Variants in RBFOX1 observed in about 807,000 individuals in gnomAD.
RBFOX1 encodes RNA binding fox-1 homolog 1, also known as RNA binding protein fox-1 homolog 1.
In RBFOX1, 8 loss-of-function variants were observed where a neutral mutation model predicts 57.7. The observed-to-expected ratio is 0.14, with a 90% CI of 0.08 to 0.25. The LOEUF is 0.25. RBFOX1 is among the 10% of genes least tolerant of loss of function. The probability of loss-of-function intolerance (pLI) is 1.00; values close to 1 mark genes in which losing one functional copy is unlikely to be tolerated. For synonymous variants in RBFOX1, 326 were observed against 222.4 expected, an observed-to-expected ratio of 1.47 and a Z score of -4.15; for missense variants, 611 against 548.5, an observed-to-expected ratio of 1.11 and a Z score of -1.14.
chr16:5,391,889 A>G (rs2066419454), intron 1 of RBFOX1, among the ~76,000 whole-genome samples: 2 of 147,648 alleles, frequency 1.4e-5, no homozygotes. Context: ...GTGTGTGTGT[A>G]TACACACACA....
intron 2 of RBFOX1, among the ~76,000 whole-genome samples, chr16:6,627,117 G>GCCT (rs1264870122): frequency 2.0e-5 from 3 of 152,150 alleles, no homozygotes; most frequent in Non-Finnish European, 4.4e-5. Context: ...GTCCTATTGT[G>GCCT]CCTCCCAAAG....
intron 4 of RBFOX1, among the ~76,000 whole-genome samples, chr16:7,092,003 C>T (rs1011368159): frequency 6.6e-6 from 1 of 152,074 alleles, no homozygotes; most frequent in African/African-American, 2.4e-5. Flanking sequence ...TACACGTGCC[C>T]TTTGTAGTAA....
At chr16:7,382,990 T>C (rs962778352) in intron 4 of RBFOX1, among the ~76,000 whole-genome samples, 2 of 152,164 alleles carry the variant, frequency 1.3e-5, no homozygotes, top group Admixed American at 1.3e-4. Context: ...AATGAGCTGT[T>C]CATTAAACTT....
At chr16:5,636,016 C>G (rs897254372) in intron 3 of RBFOX1, among the ~76,000 whole-genome samples, 10 of 151,830 alleles carry the variant, frequency 6.6e-5, no homozygotes, top group African/African-American at 2.4e-4. Flanking sequence ...TTAGACTAGT[C>G]TGGGCAACAT....
intron 1 of RBFOX1, among the ~76,000 whole-genome samples, chr16:5,249,213 G>T (rs1322600294): frequency 1.3e-5 from 2 of 152,124 alleles, no homozygotes; most frequent in Non-Finnish European, 2.9e-5. Flanking sequence ...AAACAGGTAC[G>T]CAGGGGCTCT....
At chr16:7,624,555 G>C (rs2059793309) in intron 10 of RBFOX1, among the ~76,000 whole-genome samples, 1 of 152,200 alleles carries the variant, frequency 6.6e-6, no homozygotes, top group South Asian at 2.1e-4. Context: ...ACAGTGCCTG[G>C]CACATAGACG....
chr16:7,417,932 A>T (rs530736078), intron 4 of RBFOX1, among the ~76,000 whole-genome samples: 1 of 152,060 alleles, frequency 6.6e-6, no homozygotes, highest in South Asian at 2.1e-4. Flanking sequence ...TGGATTAGGT[A>T]CCCTGTTGGC....
chr16:6,863,568 T>C (rs1373931621), intron 3 of RBFOX1, among the ~76,000 whole-genome samples: 1 of 151,036 alleles, frequency 6.6e-6, no homozygotes, highest in Non-Finnish European at 1.5e-5. Context: ...GTAAATAACA[T>C]TAAAGATGTG....
At chr16:6,840,436 A>G (rs746626774) in intron 3 of RBFOX1, among the ~76,000 whole-genome samples, 4 of 152,258 alleles carry the variant, frequency 2.6e-5, no homozygotes, top group Admixed American at 6.5e-5. Context: ...TCTTTCAACT[A>G]TAATTAGTAG....
intron 2 of RBFOX1, among the ~76,000 whole-genome samples, chr16:5,495,466 C>T (rs560147399): frequency 1.3e-5 from 2 of 152,198 alleles, no homozygotes; most frequent in Non-Finnish European, 2.9e-5. Context: ...CAGGCCTCAC[C>T]TCCAACACTT....
rs530291166 is a variant in RBFOX1 at position 6,913,815 on chromosome 16, A to T, written c.-15-138242A>T. On this transcript the variant is annotated intron_variant, in intron 3 of 15. Coordinates refer to ENST00000550418, the MANE Select transcript of RBFOX1 (RefSeq NM_018723.4). ...CACACAGTGACAGCAGGCATGCTAA[A>T]CTACTTCCCAGCCCTGCATGTGGCG... Among the ~76,000 whole-genome samples the T allele has an allele frequency of 2.2e-4, 33 of 152,260 alleles. No homozygotes were observed. The East Asian group carries it at 3.9e-3, about 18-fold the overall frequency.
chr16:6,299,232 G>A (rs1360962535), intron 1 of RBFOX1, among the ~76,000 whole-genome samples: 1 of 152,216 alleles, frequency 6.6e-6, no homozygotes, highest in Admixed American at 6.5e-5. Context: ...ATCTGAAACA[G>A]TGGACCCTTT....
At position 6,625,587 on chromosome 16, in the gene RBFOX1, A is replaced by G. The variant is rs747968951; in HGVS notation, c.-63-29016A>G. Among the ~76,000 whole-genome samples the G allele has an allele frequency of 5.3e-5, 8 of 152,252 alleles. No homozygotes were observed. The East Asian group carries it at 9.7e-4, about 18-fold the overall frequency. On this transcript the variant is annotated intron_variant, in intron 2 of 15. Coordinates refer to ENST00000550418, the MANE Select transcript of RBFOX1 (RefSeq NM_018723.4). ...CTCTGCCTACTCAGATGGTTCCTCCATTCTAACTATGGTAGAGGCCAACCT... is the reference window on the plus strand; with the variant it reads ...CTCTGCCTACTCAGATGGTTCCTCCGTTCTAACTATGGTAGAGGCCAACCT...
chr16:6,985,289 G>A (rs569572901), intron 3 of RBFOX1, among the ~76,000 whole-genome samples: 20 of 152,172 alleles, frequency 1.3e-4, no homozygotes, highest in African/African-American at 4.6e-4. Context: ...GTTTTTACAT[G>A]TCCTTCAATT....
intron 4 of RBFOX1, among the ~76,000 whole-genome samples, chr16:7,063,195 T>G (rs1487620249): frequency 6.6e-6 from 1 of 152,024 alleles, no homozygotes; most frequent in African/African-American, 2.4e-5. Flanking sequence ...TACATCTTTT[T>G]GGGTCAGTTC....
At chr16:5,402,689 T>G (rs1385553195) in intron 1 of RBFOX1, among the ~76,000 whole-genome samples, 2 of 152,190 alleles carry the variant, frequency 1.3e-5, no homozygotes, top group African/African-American at 4.8e-5. Context: ...CTGCTGCAAG[T>G]TTTGAGCCTT....
chr16:6,354,007 G>C (rs1359037537), intron 2 of RBFOX1, among the ~76,000 whole-genome samples: 1 of 152,094 alleles, frequency 6.6e-6, no homozygotes, highest in Admixed American at 6.6e-5. Flanking sequence ...ATCACCTGAG[G>C]TCAGGAGTTG....
At chr16:6,547,594 T>G (rs909258653) in intron 2 of RBFOX1, among the ~76,000 whole-genome samples, 8 of 152,136 alleles carry the variant, frequency 5.3e-5, no homozygotes, top group African/African-American at 1.4e-4. Context: ...TTTCTCTGTC[T>G]CCTGAGGGAG....
At chr16:6,457,809 G>C (rs2094814166) in intron 2 of RBFOX1, among the ~76,000 whole-genome samples, 1 of 152,116 alleles carries the variant, frequency 6.6e-6, no homozygotes, top group Non-Finnish European at 1.5e-5. Context: ...TGTGCAGCTA[G>C]GTGTTACAAA....
Sources: gnomAD v4.1 joint callset for allele counts (sites outside exome capture counted in the v4.1 genomes callset) on GRCh38, gnomAD v4.1.1 for gene constraint, MANE v1.5 for transcripts, NCBI Gene and HGNC (gene_info 2026-07-23, HGNC 2026-07-21) for gene names.